Variants in RASA2 observed in about 807,000 individuals in gnomAD.
RASA2 encodes RAS p21 protein activator 2.
Under a neutral mutation model 118.2 loss-of-function variants are expected in RASA2, and 155 were observed. The observed-to-expected ratio is 1.31, with a 90% CI of 1.15 to 1.50. RASA2 has a LOEUF of 1.50. RASA2 is among the 40% of genes most tolerant of loss of function. The pLI is 0.00. For synonymous variants in RASA2, 353 were observed against 349.1 expected, an observed-to-expected ratio of 1.01 and a Z score of -0.12; for missense variants, 1,016 against 1,009.6, an observed-to-expected ratio of 1.01 and a Z score of -0.09.
At chr3:141,596,633 C>T (rs758829662) in intron 19 of RASA2, among the ~76,000 whole-genome samples, 9 of 151,880 alleles carry the variant, frequency 5.9e-5, no homozygotes, top group Non-Finnish European at 1.3e-4. Context: ...AAAAAGAGGA[C>T]GATAGATATG....
intron 3 of RASA2, among the ~76,000 whole-genome samples, chr3:141,525,555 C>G (rs940881527): frequency 6.8e-6 from 1 of 147,560 alleles, no homozygotes; most frequent in Non-Finnish European, 1.5e-5. Flanking sequence ...TCTATAACCC[C>G]AGCACTTTGG....
intron 3 of RASA2, among the ~76,000 whole-genome samples, chr3:141,523,753 T>A (rs1398246367): frequency 6.6e-6 from 1 of 152,116 alleles, no homozygotes; most frequent in Admixed American, 6.5e-5. Flanking sequence ...GACCCCTCAC[T>A]CCACCTTGGT....
At chr3:141,492,465 A>G (rs913390704) in intron 1 of RASA2, among the ~76,000 whole-genome samples, 5 of 152,226 alleles carry the variant, frequency 3.3e-5, no homozygotes, top group Non-Finnish European at 5.9e-5. Flanking sequence ...AAAAACCCCT[A>G]TCTAAAGTGA....
intron 19 of RASA2, among the ~76,000 whole-genome samples, chr3:141,590,728 T>C (rs745664898): frequency 2.9e-4 from 44 of 152,178 alleles, no homozygotes; most frequent in Non-Finnish European, 5.1e-4. Flanking sequence ...ACCTAAATCA[T>C]TGAGTCTTTC....
chr3:141,513,251 G>A (rs1428241781), intron 2 of RASA2, among the ~76,000 whole-genome samples: 1 of 150,476 alleles, frequency 6.6e-6, no homozygotes, highest in Non-Finnish European at 1.5e-5. Flanking sequence ...TGCCTTTGAA[G>A]TTTCCCTTTA....
chr3:141,612,002 A>T (rs1179619113), intron 23 of RASA2, among the ~76,000 whole-genome samples: 1 of 152,130 alleles, frequency 6.6e-6, no homozygotes, highest in Non-Finnish European at 1.5e-5. Context: ...CCTCTACCAT[A>T]CTAAATATCT....
At chr3:141,490,150 G>A (rs1387497322) in intron 1 of RASA2, among the ~76,000 whole-genome samples, 1 of 151,840 alleles carries the variant, frequency 6.6e-6, no homozygotes, top group Non-Finnish European at 1.5e-5. Flanking sequence ...GTTCTGAATT[G>A]TCTGCTTCCT....
chr3:141,608,539 CTG>C lies in RASA2; in HGVS notation c.2071_2072del (p.Val691ArgfsTer3). 1 of 1,613,962 alleles carries C rather than the reference CTG, an allele frequency of 6.2e-7. No homozygotes were observed. Among genetic ancestry groups the C allele is most frequent in the Non-Finnish European group, 8.5e-7 (1 of 1,179,904 alleles). Reference protein sequence around the residue: ...EKPLYVQANNCVEANEWIDVL... With the variant: ...EKPLYVQANNXVEANEWIDVL... ...AACCACTCTATGTCCAGGCAAATAA[CTG>C]TGTAGAAGCTAATGAATGGATAGAC... On this transcript the variant is annotated frameshift_variant, in exon 21 of 24. Coordinates refer to ENST00000286364, the MANE Select transcript of RASA2 (RefSeq NM_006506.5). LOFTEE classifies it high-confidence loss of function.
rs538459004 is a variant in RASA2 at position 141,549,495 on chromosome 3, G to T, written c.528-4362G>T. ...TGAGTGTGTGTGTGCGTGTGTGTGTGTGTGTGTGTGTGTGTGTGTTTGCAA... is the reference window on the plus strand; with the variant it reads ...TGAGTGTGTGTGTGCGTGTGTGTGTTTGTGTGTGTGTGTGTGTGTTTGCAA... On this transcript the variant is annotated intron_variant, in intron 5 of 23. Coordinates refer to ENST00000286364, the MANE Select transcript of RASA2 (RefSeq NM_006506.5). Among the ~76,000 whole-genome samples, 56 of 151,610 alleles carry T rather than the reference G, an allele frequency of 3.7e-4. No individual in the cohort carries two copies. In the South Asian group the frequency reaches 0.011, roughly 30 times the overall value.
Position 141,520,067 on chromosome 3 carries a change from G to A in RASA2, c.355+3636G>A, listed in dbSNP as rs192457240. ...CTTGCTCTGTTGCCCAGGCTGGAGT[G>A]CAGTGACATGATCTCCGTTCACTGC... On this transcript the variant is annotated intron_variant, in intron 3 of 23. Transcript: ENST00000286364. Among the ~76,000 whole-genome samples the A allele has an allele frequency of 5.5e-4, 76 of 137,222 alleles. 1 individual carries two copies. The East Asian group carries it at 0.015, about 28-fold the overall frequency. 90.0% of individuals were successfully genotyped at this position (137,222 alleles called of 152,430 possible). A position where few individuals can be genotyped will look rare whatever the true frequency, so the allele number is the denominator to read the frequency against.
intron 15 of RASA2, among the ~76,000 whole-genome samples, 154 bp from the exon 16 acceptor site, chr3:141,580,214 T>A (rs2083089128): frequency 6.6e-6 from 1 of 150,500 alleles, no homozygotes; most frequent in Non-Finnish European, 1.5e-5. Context: ...GCTGGTGAGT[T>A]GTACCCAGCC....
chr3:141,601,846 C>A (rs2083469344), intron 19 of RASA2, among the ~76,000 whole-genome samples: 1 of 152,128 alleles, frequency 6.6e-6, no homozygotes, highest in African/African-American at 2.4e-5. Flanking sequence ...CACTGAGACT[C>A]AGTTCATTTT....
intron 19 of RASA2, 41 bp downstream of exon 19, chr3:141,586,793 C>T (rs768179727): frequency 5.3e-6 from 8 of 1,504,174 alleles, no homozygotes; most frequent in Non-Finnish European, 6.5e-6. Context: ...TTTCCTGGTT[C>T]TCAGTGAAGG....
chr3:141,523,935 GAATT>G (rs1019059988), intron 3 of RASA2, among the ~76,000 whole-genome samples: 32 of 152,176 alleles, frequency 2.1e-4, no homozygotes, highest in African/African-American at 7.7e-4. Context: ...CCAACACTTT[GAATT>G]GTAATTTCTG....
At chr3:141,552,705 T>A (rs968799342) in intron 5 of RASA2, among the ~76,000 whole-genome samples, 1 of 152,202 alleles carries the variant, frequency 6.6e-6, no homozygotes, top group Non-Finnish European at 1.5e-5. Context: ...AATTTCTTTC[T>A]TTATTTTTTT....
At chr3:141,564,506 G>T (rs1344955926) in intron 9 of RASA2, among the ~76,000 whole-genome samples, 1 of 152,182 alleles carries the variant, frequency 6.6e-6, no homozygotes, top group Non-Finnish European at 1.5e-5. Flanking sequence ...AGGTAGGCAT[G>T]GTACTGCCTA....
chr3:141,489,489 A>C (rs2081615323), intron 1 of RASA2, among the ~76,000 whole-genome samples: 1 of 152,180 alleles, frequency 6.6e-6, no homozygotes, highest in African/African-American at 2.4e-5. Context: ...GGAGGGTGTA[A>C]CCGTGTCAGC....
chr3:141,572,233 A>G (rs1473286141), intron 11 of RASA2, among the ~76,000 whole-genome samples: 1 of 151,818 alleles, frequency 6.6e-6, no homozygotes, highest in Non-Finnish European at 1.5e-5. Flanking sequence ...CTGGGATTAC[A>G]GGCACTCGCC....
chr3:141,609,561 T>A, intron 22 of RASA2, 38 bp downstream of exon 22: 1 of 1,415,580 alleles, frequency 7.1e-7, no homozygotes, highest in Non-Finnish European at 9.9e-7. Context: ...CCATAATCTT[T>A]CATTACCAAT....
Sources: allele counts gnomAD v4.1 joint callset (sites outside exome capture counted in the v4.1 genomes callset), GRCh38; gene constraint gnomAD v4.1.1; transcripts MANE v1.5; gene names NCBI Gene and HGNC (gene_info 2026-07-23, HGNC 2026-07-21).